The following FAM163A variants were observed in gnomAD, a reference collection of about 807,000 sequenced individuals.
FAM163A encodes family with sequence similarity 163 member A.
In FAM163A, 7 loss-of-function variants were observed where a neutral mutation model predicts 12.0. The ratio of observed to expected loss-of-function variants is 0.58; its 90% CI spans 0.33 to 1.10. The LOEUF (loss-of-function observed/expected upper bound fraction) is 1.10. Among genes scored for constraint, FAM163A ranks in the 50% least tolerant of loss-of-function variants. FAM163A has a pLI of 0.03. For missense variants in FAM163A, 202 were observed against 218.6 expected (o/e 0.92, Z 0.48); for synonymous variants, 101 against 91.0 (o/e 1.11, Z -0.62).
chr1:179,745,976 C>G (rs548887845), intron 1 of FAM163A, among the ~76,000 whole-genome samples: 50 of 152,336 alleles, frequency 3.3e-4, no homozygotes, highest in African/African-American at 1.2e-3. Flanking sequence ...CCATTAGACT[C>G]TAGACTTCAG....
chr1:179,765,207 T>G (rs1275428044), intron 1 of FAM163A, among the ~76,000 whole-genome samples: 1 of 152,204 alleles, frequency 6.6e-6, no homozygotes, highest in African/African-American at 2.4e-5. Flanking sequence ...TTGGCAGGAT[T>G]GAGGGATGGC....
intron 1 of FAM163A, among the ~76,000 whole-genome samples, chr1:179,783,316 A>G (rs6677512): frequency 0.59 from 89,679 of 151,980 alleles, 28,349 homozygotes; most frequent in African/African-American, 0.81. Context: ...AATAACTAAC[A>G]TTTATTGGGT....
At chr1:179,779,013 T>G (rs1395910888) in intron 1 of FAM163A, among the ~76,000 whole-genome samples, 1 of 152,130 alleles carries the variant, frequency 6.6e-6, no homozygotes, top group Admixed American at 6.5e-5. Context: ...GGAGGAGCCT[T>G]CAAAAGGTTT....
At chr1:179,793,905 G>A (rs958865292) in intron 1 of FAM163A, among the ~76,000 whole-genome samples, 10 of 152,186 alleles carry the variant, frequency 6.6e-5, no homozygotes, top group African/African-American at 1.2e-4. Context: ...CCTCACTGTT[G>A]AGTATGGGAC....
In FAM163A at chr1:179,814,816, C is replaced by T. The variant is rs964047630; in HGVS notation, c.*627C>T. ...TGATTCCTGAACGTATCACATCTCA[C>T]CTGCCCCCTTCCTCGTGGGACGTGT... is the stretch of plus-strand genomic sequence containing the variant. On this transcript the variant is annotated 3_prime_UTR_variant, in exon 5 of 5. Coordinates refer to ENST00000341785, the MANE Select transcript of FAM163A (RefSeq NM_173509.3). The T allele has an allele frequency of 6.6e-6, 1 of 152,462 alleles. No individual in the cohort carries two copies. Among genetic ancestry groups the T allele is most frequent in the East Asian group, 1.9e-4 (1 of 5,196 alleles). The allele number at this position is 152,462 out of a possible 1,614,324, so 9.4% of individuals were successfully genotyped here.
At chr1:179,748,572 G>A (rs1025287674) in intron 1 of FAM163A, among the ~76,000 whole-genome samples, 1 of 152,318 alleles carries the variant, frequency 6.6e-6, no homozygotes, top group African/African-American at 2.4e-5. Flanking sequence ...CGGGCAGTGC[G>A]GGAGAGGAAC....
chr1:179,794,012 C>A (rs942576097), intron 1 of FAM163A, among the ~76,000 whole-genome samples: 9 of 152,250 alleles, frequency 5.9e-5, no homozygotes, highest in African/African-American at 2.2e-4. Flanking sequence ...GCACCAGTCC[C>A]TTACAGCTTC....
chr1:179,754,341 AT>A (rs1043937992), intron 1 of FAM163A, among the ~76,000 whole-genome samples: 3 of 151,998 alleles, frequency 2.0e-5, no homozygotes, highest in Admixed American at 2.0e-4. Flanking sequence ...CATTCCTCCA[AT>A]CCTTTCATAA....
chr1:179,765,009 G>A (rs970209513), intron 1 of FAM163A, among the ~76,000 whole-genome samples: 1 of 152,184 alleles, frequency 6.6e-6, no homozygotes. Flanking sequence ...CACAGAGATC[G>A]CGGGATCTCA....
At chr1:179,767,448 G>A (rs75872237) in intron 1 of FAM163A, among the ~76,000 whole-genome samples, 4 of 152,044 alleles carry the variant, frequency 2.6e-5, no homozygotes, top group Admixed American at 6.5e-5. Flanking sequence ...TCTCCCACAC[G>A]GCTGCCAGTA....
chr1:179,772,778 C>G (rs939774727), intron 1 of FAM163A, among the ~76,000 whole-genome samples: 11 of 151,700 alleles, frequency 7.3e-5, no homozygotes, highest in African/African-American at 2.7e-4. Flanking sequence ...CATTAGGAAC[C>G]CAGGGCCCTA....
At chr1:179,801,574 G>A (rs1413402960) in intron 1 of FAM163A, among the ~76,000 whole-genome samples, 1 of 152,226 alleles carries the variant, frequency 6.6e-6, no homozygotes, top group Non-Finnish European at 1.5e-5. Flanking sequence ...TCACCCTGTA[G>A]AGAAAGGTGT....
At chr1:179,791,360 G>A (rs1194534394) in intron 1 of FAM163A, among the ~76,000 whole-genome samples, 1 of 152,120 alleles carries the variant, frequency 6.6e-6, no homozygotes, top group Non-Finnish European at 1.5e-5. Flanking sequence ...ACAACCCAAA[G>A]CTGCTTCCCG....
At chr1:179,738,506 G>T (rs1170889758), upstream of FAM163A, among the ~76,000 whole-genome samples, 1 of 152,044 alleles carries the variant, frequency 6.6e-6, no homozygotes. Flanking sequence ...TATGTGAAAA[G>T]ATTTATACAC....
chr1:179,744,746 C>T (rs1684211186), intron 1 of FAM163A, among the ~76,000 whole-genome samples: 1 of 152,168 alleles, frequency 6.6e-6, no homozygotes. Flanking sequence ...CCAGGGCGCC[C>T]AGGGGGCCCC....
intron 1 of FAM163A, among the ~76,000 whole-genome samples, chr1:179,767,899 G>A (rs971895347): frequency 2.6e-5 from 4 of 152,178 alleles, no homozygotes; most frequent in African/African-American, 9.7e-5. Flanking sequence ...CCATTCGTAA[G>A]TGTTAAGTAG....
upstream of FAM163A, among the ~76,000 whole-genome samples, chr1:179,739,516 A>G (rs1209470958): frequency 7.6e-6 from 1 of 130,960 alleles, no homozygotes; most frequent in Non-Finnish European, 1.6e-5. Context: ...TTCTTAAAAC[A>G]TTATGAGAAT....
Position 179,800,470 on chromosome 1 carries a change from G to A in FAM163A, c.-135-7328G>A, listed in dbSNP as rs1045534590. Among the ~76,000 whole-genome samples, 7 of 152,344 alleles carry A rather than the reference G, an allele frequency of 4.6e-5. 1 individual carries two copies. The East Asian group carries it at 1.3e-3, about 29-fold the overall frequency. ...ACCCCAAGCACTGAACAAGCCTGATGGATATGCCTACTCTGGGGTGTCTGT... is the reference window on the plus strand; with the variant it reads ...ACCCCAAGCACTGAACAAGCCTGATAGATATGCCTACTCTGGGGTGTCTGT... On this transcript the variant is annotated intron_variant, in intron 1 of 4. Transcript: ENST00000341785.
At chr1:179,733,657 T>C in the FAM163A span, among the ~76,000 whole-genome samples, 2 of 152,120 alleles carry the variant, frequency 1.3e-5, no homozygotes, top group South Asian at 2.1e-4. Flanking sequence ...AGCACTCAAA[T>C]TTCTGTCTCT....
Sources: gnomAD v4.1 joint callset for allele counts (sites outside exome capture counted in the v4.1 genomes callset) on GRCh38, gnomAD v4.1.1 for gene constraint, MANE v1.5 for transcripts, NCBI Gene and HGNC (gene_info 2026-07-23, HGNC 2026-07-21) for gene names.